The following PHTF1 variants were observed in gnomAD, a reference collection of about 807,000 sequenced individuals.
The protein encoded by PHTF1 is putative homeodomain transcription factor 1.
In PHTF1, 88 loss-of-function variants were observed where a neutral mutation model predicts 102.4. The observed-to-expected ratio is 0.86, with a 90% CI of 0.72 to 1.03. The LOEUF (loss-of-function observed/expected upper bound fraction) is 1.03, where lower values mean the gene tolerates loss of function less well. PHTF1 is among the 50% of genes least tolerant of loss of function. The pLI is 0.00. For synonymous variants in PHTF1, 289 were observed against 305.2 expected (o/e 0.95, Z 0.55); for missense variants, 814 against 909.5 (o/e 0.89, Z 1.35).
intron 3 of PHTF1, among the ~76,000 whole-genome samples, chr1:113,742,786 C>T (rs1397591199): frequency 6.6e-6 from 1 of 152,094 alleles, no homozygotes; most frequent in Non-Finnish European, 1.5e-5. Context: ...ACTTTATAAA[C>T]ACCATAAACA....
At chr1:113,736,487 G>C (rs919858956) in intron 5 of PHTF1, among the ~76,000 whole-genome samples, 1 of 152,128 alleles carries the variant, frequency 6.6e-6, no homozygotes, top group African/African-American at 2.4e-5. Flanking sequence ...GCTCACACCT[G>C]TAATCCCAGC....
intron 3 of PHTF1, among the ~76,000 whole-genome samples, chr1:113,742,622 A>G (rs1454840021): frequency 1.3e-5 from 2 of 151,984 alleles, no homozygotes; most frequent in Non-Finnish European, 1.5e-5. Context: ...ACTCTGTCTC[A>G]ATAAAGAAAA....
At chr1:113,752,633 C>T (rs866682021) in intron 3 of PHTF1, among the ~76,000 whole-genome samples, 1 of 152,144 alleles carries the variant, frequency 6.6e-6, no homozygotes, top group Non-Finnish European at 1.5e-5. Context: ...ATCCACCCGC[C>T]TTGGCCTCCC....
intron 10 of PHTF1, 38 bp from the exon 11 acceptor site, chr1:113,710,513 C>T (rs770628205): frequency 1.4e-6 from 2 of 1,457,822 alleles, no homozygotes; most frequent in South Asian, 2.3e-5. Flanking sequence ...TGTTATTCAT[C>T]TTTAAAAATA....
chr1:113,734,610 T>C lies in PHTF1; in HGVS notation c.331+3500A>G, dbSNP rs1223619101. On this transcript the variant is annotated intron_variant, in intron 5 of 18. Transcript: ENST00000369604. ...CAGCTTGGCTCTTCCTATGTGCTTA[T>C]AGTAAAATGTGAGAAGAGAGAAATG... is the stretch of plus-strand genomic sequence containing the variant. Among the ~76,000 whole-genome samples the C allele has an allele frequency of 2.0e-5, 3 of 152,348 alleles. No homozygotes were observed. In the East Asian group the frequency reaches 5.8e-4, roughly 29 times the overall value.
intron 16 of PHTF1, chr1:113,700,021 G>A: frequency 2.0e-6 from 2 of 993,850 alleles, no homozygotes; most frequent in Non-Finnish European, 2.6e-6. Flanking sequence ...TAATGATGAA[G>A]CAATTTAAAT....
intron 3 of PHTF1, among the ~76,000 whole-genome samples, chr1:113,756,442 G>T (rs1658891354): frequency 6.6e-6 from 1 of 152,010 alleles, no homozygotes; most frequent in Non-Finnish European, 1.5e-5. Context: ...ATTAATGAAG[G>T]GTCTGCTGCA....
chr1:113,698,401 C>A lies in PHTF1; in HGVS notation c.2143-14G>T. ...TGTGTCCAGCTCCTACAAAAAACAT[C>A]AAAGAATTGAAATGAGATACATGTT... On this transcript the variant is annotated splice_polypyrimidine_tract_variant and intron_variant, in intron 17 of 18. Coordinates refer to ENST00000369604, the MANE Select transcript of PHTF1 (RefSeq NM_001323043.2). 3.7e-6 allele frequency: 6 copies of A among 1,609,288 alleles called. No homozygotes were observed. Among genetic ancestry groups the A allele is most frequent in the Non-Finnish European group, 5.1e-6 (6 of 1,177,324 alleles).
chr1:113,731,308 G>A lies in PHTF1; in HGVS notation c.332-4734C>T, dbSNP rs145416028. ...GGAGGTTGAGGCAGGAAGATCATTTGATCACTTGACGCCAGGAGTTCAAAG... is the reference window on the plus strand; with the variant it reads ...GGAGGTTGAGGCAGGAAGATCATTTAATCACTTGACGCCAGGAGTTCAAAG... On this transcript the variant is annotated intron_variant, in intron 5 of 18. Coordinates refer to ENST00000369604, the MANE Select transcript of PHTF1 (RefSeq NM_001323043.2). 1.4e-4 allele frequency among the ~76,000 whole-genome samples: 21 copies of A among 152,212 alleles called. No individual in the cohort carries two copies. The South Asian group carries it at 2.1e-3, about 15-fold the overall frequency.
chr1:113,743,068 C>T (rs1025459501), intron 3 of PHTF1, among the ~76,000 whole-genome samples: 2 of 152,148 alleles, frequency 1.3e-5, no homozygotes, highest in Non-Finnish European at 2.9e-5. Context: ...CCTGCTGTGT[C>T]CTCTCAAAGT....
chr1:113,756,290 T>A (rs112088611), intron 3 of PHTF1, among the ~76,000 whole-genome samples: 447 of 152,202 alleles, frequency 2.9e-3, no homozygotes, highest in African/African-American at 0.01. Flanking sequence ...CCTAACCCCA[T>A]CTCCCACTAA....
chr1:113,746,369 G>A (rs1186029040), intron 3 of PHTF1, among the ~76,000 whole-genome samples: 1 of 152,164 alleles, frequency 6.6e-6, no homozygotes, highest in Non-Finnish European at 1.5e-5. Flanking sequence ...ATGGGAGGAA[G>A]GTCACATTCA....
intron 5 of PHTF1, among the ~76,000 whole-genome samples, chr1:113,734,232 C>T (rs1655140931): frequency 6.6e-6 from 1 of 152,118 alleles, no homozygotes; most frequent in African/African-American, 2.4e-5. Flanking sequence ...TGTACTTCAG[C>T]CTGGGCAACA....
intron 16 of PHTF1, 21 bp from the exon 17 acceptor site, chr1:113,699,820 TAAGG>T: frequency 1.1e-6 from 1 of 940,332 alleles, no homozygotes; most frequent in Non-Finnish European, 1.6e-6. Flanking sequence ...GAATAGAAAT[TAAGG>T]TAAATTTCTT....
chr1:113,704,708 C>T lies in PHTF1; in HGVS notation c.1761G>A (p.Val587=). 8 of 1,590,890 alleles carry T rather than the reference C, an allele frequency of 5.0e-6. No homozygotes were observed. Among genetic ancestry groups the T allele is most frequent in the Non-Finnish European group, 5.2e-6 (6 of 1,160,072 alleles). Residue 587 remains valine (V), a synonymous_variant, in exon 14 of 19, where the codon GTG becomes GTA. Coordinates refer to ENST00000369604, the MANE Select transcript of PHTF1 (RefSeq NM_001323043.2). ...GTGATAACCATATTTTAATATTCTC[C>T]ACCTTCTTAAGTCTGAAATGAGGTA... ...YEIPHFRLKK[V]ENIKIWLSLR...
chr1:113,745,876 A>C (rs1359631594), intron 3 of PHTF1, among the ~76,000 whole-genome samples: 1 of 152,204 alleles, frequency 6.6e-6, no homozygotes, highest in Non-Finnish European at 1.5e-5. Flanking sequence ...ATTATATATT[A>C]TAAGGTAATA....
Position 113,706,723 on chromosome 1 carries a change from C to T in PHTF1, c.1270-1G>A. On this transcript the variant is annotated splice_acceptor_variant, in intron 11 of 18. Transcript: ENST00000369604. LOFTEE classifies it high-confidence loss of function. ...AATTCTGAAGCCAGAATAAATGATT[C>T]TGAGAAGAAAAATATAAAATTGTTT... 1.3e-6 allele frequency: 2 copies of T among 1,596,880 alleles called. No individual in the cohort carries two copies. Among genetic ancestry groups the T allele is most frequent in the South Asian group, 2.3e-5 (2 of 88,142 alleles).
At chr1:113,710,551 C>A in intron 10 of PHTF1, 76 bp from the exon 11 acceptor site, 1 of 1,093,436 alleles carries the variant, frequency 9.1e-7, no homozygotes, top group Admixed American at 2.0e-5. Context: ...ATTAAAACAA[C>A]TTATCTACAG....
chr1:113,723,339 G>C (rs1028351830), intron 7 of PHTF1, among the ~76,000 whole-genome samples: 2 of 152,042 alleles, frequency 1.3e-5, no homozygotes, highest in Admixed American at 1.3e-4. Context: ...CACCACGCCC[G>C]GATAATTCTT....
Sources: allele counts gnomAD v4.1 joint callset (sites outside exome capture counted in the v4.1 genomes callset), GRCh38; gene constraint gnomAD v4.1.1; transcripts MANE v1.5; gene names NCBI Gene and HGNC (gene_info 2026-07-23, HGNC 2026-07-21).